ADGRG4: variants seen among roughly 807,000 people sequenced by gnomAD.
The protein encoded by ADGRG4 is adhesion G protein-coupled receptor G4.
ADGRG4 carries 122 observed loss-of-function variants against 126.2 expected under a neutral mutation model. The ratio of observed to expected loss-of-function variants is 0.97; its 90% CI spans 0.83 to 1.12. ADGRG4 has a LOEUF of 1.12. Among genes scored for constraint, ADGRG4 ranks in the 50% most tolerant of loss-of-function variants. ADGRG4 has a pLI of 0.00. For missense variants in ADGRG4, 2,481 were observed against 2,251.8 expected (o/e 1.10, Z -2.06); for synonymous variants, 943 against 838.7 (o/e 1.12, Z -2.15).
chrX:136,397,003 A>G (rs964413949), intron 19 of ADGRG4, among the ~76,000 whole-genome samples: 1 of 110,289 alleles, frequency 9.1e-6, no homozygotes, highest in Admixed American at 9.7e-5. Flanking sequence ...TTTGGCCAGG[A>G]TGGTCTCAAT....
At chrX:136,394,540 G>C (rs951216985) in intron 18 of ADGRG4, among the ~76,000 whole-genome samples, 1 of 111,633 alleles carries the variant, frequency 9.0e-6, no homozygotes, top group Non-Finnish European at 1.9e-5. Flanking sequence ...GCCCTTTCCT[G>C]ATCCCCTCCA....
At chrX:136,333,853 AG>A (rs2074929847) in intron 5 of ADGRG4, among the ~76,000 whole-genome samples, 1 of 112,223 alleles carries the variant, frequency 8.9e-6, no homozygotes, top group South Asian at 3.6e-4. Context: ...ACAGAACAAA[AG>A]CTTTTAATTT....
At chrX:136,363,999 C>T (rs995548627) in intron 13 of ADGRG4, among the ~76,000 whole-genome samples, 6 of 109,659 alleles carry the variant, frequency 5.5e-5, no homozygotes, top group Non-Finnish European at 7.6e-5. Flanking sequence ...TTAGCAGAGG[C>T]GGGGTTTCAC....
intron 23 of ADGRG4, 27 bp downstream of exon 23, chrX:136,405,999 G>A (rs777468047): frequency 3.6e-6 from 4 of 1,113,484 alleles, no homozygotes; most frequent in South Asian, 2.4e-5. Context: ...TGCCTTTTCT[G>A]TGGCCAGCTA....
At chrX:136,383,625 G>A (rs1217638241) in intron 15 of ADGRG4, among the ~76,000 whole-genome samples, 2 of 111,263 alleles carry the variant, frequency 1.8e-5, no homozygotes, top group Non-Finnish European at 3.8e-5. Flanking sequence ...ATTGGAGCGT[G>A]TAGTTTTTTT....
intron 11 of ADGRG4, among the ~76,000 whole-genome samples, chrX:136,360,783 T>C (rs1292893047): frequency 9.1e-6 from 1 of 110,413 alleles, no homozygotes; most frequent in African/African-American, 3.3e-5. Flanking sequence ...TCTATACTGA[T>C]CATGTCAGAT....
At chrX:136,377,167 CTTTTT>C (rs1184343263) in intron 15 of ADGRG4, among the ~76,000 whole-genome samples, 4 of 48,654 alleles carry the variant, frequency 8.2e-5, no homozygotes, top group African/African-American at 3.1e-4. Context: ...GTTTTCTTTC[CTTTTT>C]TTTTTTTTTT....
intron 15 of ADGRG4, among the ~76,000 whole-genome samples, chrX:136,379,908 A>G (rs1458571597): frequency 9.0e-6 from 1 of 111,674 alleles, no homozygotes; most frequent in African/African-American, 3.3e-5. Context: ...CACTTTGCAA[A>G]ATGTCTTCAG....
Position 136,308,789 on chromosome X carries a change from C to A in ADGRG4, c.12C>A (p.His4Gln). Reference protein sequence around the residue: MKEHIIYQKLYGLI... With the variant: MKEQIIYQKLYGLI... ...CACAGACTTAGACAATGAAAGAACA[C>A]ATCATATATCAGAAGCTTTATGGAT... Residue 4 changes from histidine to glutamine, a missense_variant, in exon 4 of 26, where the codon CAC becomes CAA. Transcript: ENST00000394143. 8.6e-7 allele frequency: 1 copy of A among 1,161,228 alleles called. No individual in the cohort carries two copies. Among genetic ancestry groups the A allele is most frequent in the Non-Finnish European group, 1.2e-6 (1 of 850,935 alleles).
chrX:136,416,206 G>A (rs1283826518), intron 25 of ADGRG4, among the ~76,000 whole-genome samples: 1 of 111,699 alleles, frequency 9.0e-6, no homozygotes, highest in Non-Finnish European at 1.9e-5. Flanking sequence ...TTAAGGTTAA[G>A]GTCAATAATG....
Position 136,407,630 on chromosome X carries a change from C to T in ADGRG4, c.8935+1658C>T, listed in dbSNP as rs913173904. On this transcript the variant is annotated intron_variant, in intron 23 of 25. Transcript: ENST00000394143. The stretch of plus-strand genomic sequence containing the variant: ...CCCACCAGATCCTGCCAACCATATA[C>T]ATCCATGTTCTAATTGGAATGTAAG... Among the ~76,000 whole-genome samples the T allele has an allele frequency of 2.7e-5, 3 of 112,263 alleles. No homozygotes were observed. In the South Asian group the frequency reaches 1.1e-3, roughly 41 times the overall value.
At chrX:136,402,294 TA>T (rs1214366715) in intron 21 of ADGRG4, among the ~76,000 whole-genome samples, 4 of 111,772 alleles carry the variant, frequency 3.6e-5, no homozygotes, top group Non-Finnish European at 7.5e-5. Context: ...CTTTTTTTTT[TA>T]TTTTCAATAT....
chrX:136,357,087 G>A (rs774195579), intron 9 of ADGRG4, among the ~76,000 whole-genome samples: 2 of 112,381 alleles, frequency 1.8e-5, no homozygotes, highest in Non-Finnish European at 3.8e-5. Context: ...AAATAGCTGA[G>A]TCAGAAATTT....
chrX:136,366,124 A>G (rs925635743), intron 13 of ADGRG4, among the ~76,000 whole-genome samples: 2 of 112,144 alleles, frequency 1.8e-5, no homozygotes, highest in African/African-American at 6.5e-5. Context: ...AATGACACGA[A>G]TCCGCCATTA....
At chrX:136,416,109 T>A (rs1365727429) in intron 25 of ADGRG4, among the ~76,000 whole-genome samples, 1 of 112,103 alleles carries the variant, frequency 8.9e-6, no homozygotes, top group African/African-American at 3.2e-5. Context: ...ATATCAAATA[T>A]GTAAGGGGTA....
rs2075062379 is a variant in ADGRG4, at chrX:136,351,500, A to T, written c.6781A>T (p.Ile2261Phe). 1 of 1,160,723 alleles carries T rather than the reference A, an allele frequency of 8.6e-7. No homozygotes were observed. Among genetic ancestry groups the T allele is most frequent in the South Asian group, 2.0e-5 (1 of 50,223 alleles). The change falls in exon 7 of 26, where the codon ATC becomes TTC. Residue 2261 changes from isoleucine (I) to phenylalanine (F), a missense_variant. Ile to Phe is a conservative substitution (Grantham distance 21). Transcript: ENST00000394143. ...SFSVFVEEPR[I>F]PITSVINEFT... Reference sequence around the variant, plus strand: ...CTCTGTCTTTGTTGAAGAGCCAAGGATCCCTATTACCAGTGTTATAAATGA... The same window carrying T: ...CTCTGTCTTTGTTGAAGAGCCAAGGTTCCCTATTACCAGTGTTATAAATGA...
chrX:136,413,067 T>A (rs80092668), intron 24 of ADGRG4, among the ~76,000 whole-genome samples: 1 of 105,906 alleles, frequency 9.4e-6, no homozygotes, highest in Non-Finnish European at 1.9e-5. Flanking sequence ...ATTTTTTTTC[T>A]TCCAGTATTT....
intron 1 of ADGRG4, among the ~76,000 whole-genome samples, chrX:136,303,336 A>C (rs187036582): frequency 0.028 from 3,083 of 108,246 alleles, 101 homozygotes; most frequent in African/African-American, 0.096. Flanking sequence ...GCCTGTGGTC[A>C]CAGCTACTCT....
At position 136,399,869 on chromosome X, in the gene ADGRG4, T is replaced by C; in HGVS notation, c.8328T>C (p.Pro2776=). Residue 2776 remains proline, a synonymous_variant, in exon 21 of 26, where the codon CCT becomes CCC. Coordinates refer to ENST00000394143, the MANE Select transcript of ADGRG4 (RefSeq NM_153834.4). ...TTAGCAAACTTCGAAAAGATTATCCTGCCAAAATTCTGATCAACCTGTGCA... is the reference window on the plus strand; with the variant it reads ...TTAGCAAACTTCGAAAAGATTATCCCGCCAAAATTCTGATCAACCTGTGCA... ...IAFHKLRKDY[P]AKILINLCTA... The C allele has an allele frequency of 8.3e-7, 1 of 1,206,119 alleles. No homozygotes were observed. Among genetic ancestry groups the C allele is most frequent in the Non-Finnish European group, 1.1e-6 (1 of 891,488 alleles).
Sources: allele counts gnomAD v4.1 joint callset (sites outside exome capture counted in the v4.1 genomes callset), GRCh38; gene constraint gnomAD v4.1.1; transcripts MANE v1.5; gene names NCBI Gene and HGNC (gene_info 2026-07-23, HGNC 2026-07-21).